XPR1: variants seen among roughly 807,000 people sequenced by gnomAD.
The protein encoded by XPR1 is xenotropic and polytropic retrovirus receptor 1, also known as solute carrier family 53 member 1.
A neutral mutation model predicts 87.5 loss-of-function variants in XPR1; 28 were observed. That is an observed-to-expected ratio of 0.32 (90% CI 0.24 to 0.44). The LOEUF is 0.44. Among genes scored for constraint, XPR1 ranks in the 20% least tolerant of loss-of-function variants. The pLI is 1.00. For synonymous variants in XPR1, 300 were observed against 306.1 expected, an observed-to-expected ratio of 0.98 and a Z score of 0.21; for missense variants, 559 against 862.3, an observed-to-expected ratio of 0.65 and a Z score of 4.41.
At position 180,847,242 on chromosome 1, in the gene XPR1, C is replaced by T. The variant is rs548845533; in HGVS notation, c.1501+10526C>T. ...TATGAATATTAGACTAATTCTGTTT[C>T]CTTTCTCAACTGAAAAAGTTGATAT... On this transcript the variant is annotated intron_variant, in intron 11 of 14. Coordinates refer to ENST00000367590, the MANE Select transcript of XPR1 (RefSeq NM_004736.4). Among the ~76,000 whole-genome samples, 343 of 152,248 alleles carry T rather than the reference C, an allele frequency of 2.3e-3. 3 individuals carry two copies. Among genetic ancestry groups the T allele is most frequent in the African/African-American group, 7.8e-3 (324 of 41,546 alleles).
chr1:180,803,311 G>A (rs1268490983), intron 3 of XPR1, 77 bp from the exon 4 acceptor site: 1 of 1,332,316 alleles, frequency 7.5e-7, no homozygotes, highest in Non-Finnish European at 1.0e-6. Context: ...GGAGCAAATG[G>A]GAATTATTAA....
intron 2 of XPR1, among the ~76,000 whole-genome samples, chr1:180,721,039 A>G (rs1467655944): frequency 6.6e-6 from 1 of 152,128 alleles, no homozygotes; most frequent in African/African-American, 2.4e-5. Flanking sequence ...GTTCAAGACT[A>G]GCCTGGCCAG....
intron 2 of XPR1, among the ~76,000 whole-genome samples, chr1:180,777,335 C>T (rs1325641687): frequency 6.6e-6 from 1 of 152,208 alleles, no homozygotes; most frequent in Admixed American, 6.5e-5. Flanking sequence ...ATTCTCTCTG[C>T]TTAAAATCCT....
At chr1:180,637,552 A>G (rs571156332) in intron 1 of XPR1, among the ~76,000 whole-genome samples, 1 of 152,076 alleles carries the variant, frequency 6.6e-6, no homozygotes, top group African/African-American at 2.4e-5. Flanking sequence ...TTATTAAGCT[A>G]ATTCTTTTTT....
intron 7 of XPR1, among the ~76,000 whole-genome samples, chr1:180,821,001 C>T (rs1254692343): frequency 7.5e-6 from 1 of 132,674 alleles, no homozygotes; most frequent in Non-Finnish European, 1.7e-5. Flanking sequence ...TGCAAATATT[C>T]CTCCCTTTTT....
At chr1:180,779,863 T>G (rs1648869220) in intron 2 of XPR1, among the ~76,000 whole-genome samples, 1 of 151,836 alleles carries the variant, frequency 6.6e-6, no homozygotes, top group Non-Finnish European at 1.5e-5. Context: ...CAACCACCAC[T>G]CTACTTTCTG....
chr1:180,639,560 C>T (rs760990091), intron 1 of XPR1, among the ~76,000 whole-genome samples: 1 of 151,964 alleles, frequency 6.6e-6, no homozygotes, highest in Non-Finnish European at 1.5e-5. Flanking sequence ...TTTTCAAGGA[C>T]TGAAATTTAA....
At chr1:180,691,333 A>G (rs886724856) in intron 2 of XPR1, among the ~76,000 whole-genome samples, 9 of 152,234 alleles carry the variant, frequency 5.9e-5, no homozygotes, top group Admixed American at 2.0e-4. Flanking sequence ...TTTGATATAT[A>G]TCTACTCAGT....
At chr1:180,647,865 C>T (rs901739848) in intron 1 of XPR1, among the ~76,000 whole-genome samples, 16 of 145,998 alleles carry the variant, frequency 1.1e-4, no homozygotes, top group South Asian at 4.4e-4. Flanking sequence ...CACCCCACTG[C>T]GCTCCAGCCT....
chr1:180,775,472 T>C (rs1450032442), intron 2 of XPR1, among the ~76,000 whole-genome samples: 1 of 152,174 alleles, frequency 6.6e-6, no homozygotes, highest in Non-Finnish European at 1.5e-5. Flanking sequence ...GTTAAGTTAA[T>C]AATAGTATTC....
chr1:180,769,063 A>G (rs1171011904), intron 2 of XPR1, among the ~76,000 whole-genome samples: 3 of 151,714 alleles, frequency 2.0e-5, no homozygotes, highest in Non-Finnish European at 2.9e-5. Context: ...AAAAAAATCT[A>G]TATCTGTTTT....
intron 7 of XPR1, among the ~76,000 whole-genome samples, chr1:180,817,331 A>AAAAAATCTTTTTATAAATTC (rs1650446739): frequency 6.6e-6 from 1 of 152,158 alleles, no homozygotes; most frequent in African/African-American, 2.4e-5. Flanking sequence ...AGTGTAGCCT[A>AAAAAATCTTTTTATAAATTC]AGTGTACAAT....
chr1:180,687,589 C>G (rs1021456864), intron 2 of XPR1, among the ~76,000 whole-genome samples: 1 of 151,962 alleles, frequency 6.6e-6, no homozygotes, highest in African/African-American at 2.4e-5. Flanking sequence ...AAAAGTAAGT[C>G]AACAAAACAA....
rs993044287 is a variant in XPR1 at position 180,736,273 on chromosome 1, C to T, written c.122-51480C>T. 6.6e-5 allele frequency among the ~76,000 whole-genome samples: 10 copies of T among 152,262 alleles called. No homozygotes were observed. The East Asian group carries it at 9.6e-4, about 15-fold the overall frequency. On this transcript the variant is annotated intron_variant, in intron 2 of 14. Transcript: ENST00000367590. ...TCTAGCGTTGAGAACATGGTATATT[C>T]GGGCTACCTGAAATAATTACAGTGA...
At chr1:180,807,650 A>T (rs1293383087) in intron 6 of XPR1, among the ~76,000 whole-genome samples, 1 of 152,178 alleles carries the variant, frequency 6.6e-6, no homozygotes, top group Non-Finnish European at 1.5e-5. Context: ...TTATAGATAT[A>T]ATACGTTCCA....
At chr1:180,647,116 C>G (rs913575180) in intron 1 of XPR1, among the ~76,000 whole-genome samples, 1 of 152,202 alleles carries the variant, frequency 6.6e-6, no homozygotes, top group Non-Finnish European at 1.5e-5. Context: ...AACCTAGATC[C>G]CTCGCATGCG....
At chr1:180,708,427 C>CA (rs1439682196) in intron 2 of XPR1, among the ~76,000 whole-genome samples, 2 of 151,958 alleles carry the variant, frequency 1.3e-5, no homozygotes, top group Non-Finnish European at 2.9e-5. Flanking sequence ...TACTTAATGC[C>CA]ATTGAATTGT....
At chr1:180,667,547 T>C (rs1656003337) in intron 1 of XPR1, among the ~76,000 whole-genome samples, 1 of 152,234 alleles carries the variant, frequency 6.6e-6, no homozygotes, top group South Asian at 2.1e-4. Context: ...ATTGGAGATA[T>C]TTGCCCATAG....
intron 11 of XPR1, among the ~76,000 whole-genome samples, chr1:180,855,345 T>G (rs1234303932): frequency 6.6e-6 from 1 of 152,182 alleles, no homozygotes; most frequent in African/African-American, 2.4e-5. Context: ...ATTATTAAAT[T>G]TTTTATCTCA....
Sources: gnomAD v4.1 joint callset for allele counts (sites outside exome capture counted in the v4.1 genomes callset) on GRCh38, gnomAD v4.1.1 for gene constraint, MANE v1.5 for transcripts, NCBI Gene and HGNC (gene_info 2026-07-23, HGNC 2026-07-21) for gene names.